The following INSL6 variants were observed in gnomAD, a reference collection of about 807,000 sequenced individuals.
INSL6 encodes the protein insulin-like peptide INSL6.
INSL6 carries 16 observed loss-of-function variants against 9.4 expected under a neutral mutation model. That is an observed-to-expected ratio of 1.70 (90% CI 1.15 to 2.59). The LOEUF (loss-of-function observed/expected upper bound fraction) is 2.59. Among genes scored for constraint, INSL6 ranks in the 30% most tolerant of loss-of-function variants. The pLI, the probability that INSL6 is intolerant of heterozygous loss-of-function variation, is 0.00. For missense variants in INSL6, 391 were observed against 257.3 expected, an observed-to-expected ratio of 1.52 and a Z score of -3.56; for synonymous variants, 154 against 96.9, an observed-to-expected ratio of 1.59 and a Z score of -3.46.
chr9:5,156,222 C>T (rs2130899455), intron 2 of INSL6, among the ~76,000 whole-genome samples: 1 of 152,194 alleles, frequency 6.6e-6, no homozygotes, highest in African/African-American at 2.4e-5. Context: ...GTAATTAAAA[C>T]CTGCAAGCCA....
At chr9:5,126,272 T>G in intron 3 of INSL6, 1 of 1,227,546 alleles carries the variant, frequency 8.1e-7, no homozygotes, top group African/African-American at 1.5e-5. Flanking sequence ...TGGAGGAAAT[T>G]GAGAAAGAAT....
intron 2 of INSL6, among the ~76,000 whole-genome samples, chr9:5,150,881 A>ACACACAC (rs1824699951): frequency 6.7e-6 from 1 of 149,974 alleles, no homozygotes; most frequent in African/African-American, 2.5e-5. Flanking sequence ...ACACACACAC[A>ACACACAC]TCATGGAATA....
At chr9:5,129,054 C>G (rs1173588942) in intron 3 of INSL6, among the ~76,000 whole-genome samples, 2 of 151,908 alleles carry the variant, frequency 1.3e-5, no homozygotes, top group East Asian at 3.8e-4. Flanking sequence ...GAAGAGTGTT[C>G]TTTTAACCTA....
At chr9:5,126,853 T>A (rs1202161032) in intron 3 of INSL6, 1 of 962,962 alleles carries the variant, frequency 1.0e-6, no homozygotes, top group Non-Finnish European at 1.6e-6. Context: ...ATATTTCACA[T>A]TGCTGTGGAC....
the INSL6 span, chr9:5,090,429 C>A: frequency 6.7e-7 from 1 of 1,496,664 alleles, no homozygotes; most frequent in Non-Finnish European, 9.0e-7. Flanking sequence ...ACATTATTTC[C>A]ACCTTTATGT....
chr9:5,057,707 C>CGA, the INSL6 span, among the ~76,000 whole-genome samples: 1 of 151,558 alleles, frequency 6.6e-6, no homozygotes, highest in Admixed American at 6.6e-5. Context: ...CTCAGCCTCC[C>CGA]GATAGCTGGG....
At chr9:5,146,117 G>T (rs1824597643) in intron 2 of INSL6, among the ~76,000 whole-genome samples, 1 of 149,446 alleles carries the variant, frequency 6.7e-6, no homozygotes, top group Non-Finnish European at 1.5e-5. Context: ...TAACCTTTGG[G>T]TTTTTTTTTT....
At chr9:5,127,481 A>G in intron 3 of INSL6, 2 of 231,214 alleles carry the variant, frequency 8.7e-6, no homozygotes, top group Admixed American at 1.1e-4. Flanking sequence ...TAAATAATAC[A>G]TTTTGAAATG....
At chr9:5,050,576 G>T in the INSL6 span, 6 of 1,161,602 alleles carry the variant, frequency 5.2e-6, no homozygotes, top group African/African-American at 7.9e-5. Context: ...TGGCCAATTT[G>T]TATCTTGTAA....
At chr9:5,027,210 C>T in the INSL6 span, among the ~76,000 whole-genome samples, 3 of 152,086 alleles carry the variant, frequency 2.0e-5, no homozygotes, top group Non-Finnish European at 4.4e-5. Flanking sequence ...ACTGACACAC[C>T]TCGGAGATAT....
At chr9:5,080,956 C>T in the INSL6 span, among the ~76,000 whole-genome samples, 5 of 134,044 alleles carry the variant, frequency 3.7e-5, no homozygotes, top group Admixed American at 8.6e-5. Context: ...AGTGCAGTGG[C>T]GCGATCTCGG....
chr9:4,995,225 G>A, the INSL6 span, among the ~76,000 whole-genome samples: 1 of 152,110 alleles, frequency 6.6e-6, no homozygotes, highest in Non-Finnish European at 1.5e-5. Flanking sequence ...TGGATTTGTG[G>A]TCCTTTTACT....
At chr9:5,182,338 A>G (rs968246764) in intron 1 of INSL6, among the ~76,000 whole-genome samples, 7 of 152,154 alleles carry the variant, frequency 4.6e-5, no homozygotes, top group Admixed American at 4.6e-4. Flanking sequence ...TAATTTGCAA[A>G]AACTTATAAA....
chr9:5,176,226 G>C (rs1048664689), intron 1 of INSL6, among the ~76,000 whole-genome samples: 1 of 152,078 alleles, frequency 6.6e-6, no homozygotes. Context: ...ATATCCACTT[G>C]GATAATTCCC....
chr9:5,032,049 T>G, the INSL6 span, among the ~76,000 whole-genome samples: 2 of 152,102 alleles, frequency 1.3e-5, no homozygotes, highest in Non-Finnish European at 2.9e-5. Context: ...GAAAATCGGG[T>G]CACTCCCACT....
the INSL6 span, among the ~76,000 whole-genome samples, chr9:4,993,166 C>G: frequency 6.6e-6 from 1 of 152,184 alleles, no homozygotes; most frequent in South Asian, 2.1e-4. Context: ...ACCCACAAAT[C>G]TCTTTTGAGA....
chr9:5,176,050 T>C (rs887209067), intron 1 of INSL6, among the ~76,000 whole-genome samples: 2 of 152,084 alleles, frequency 1.3e-5, no homozygotes, highest in Admixed American at 6.5e-5. Flanking sequence ...TGGCCTAAAA[T>C]ACCCTATTTT....
the INSL6 span, among the ~76,000 whole-genome samples, chr9:4,997,664 C>T: frequency 6.6e-6 from 1 of 152,290 alleles, no homozygotes; most frequent in East Asian, 1.9e-4. Flanking sequence ...TGCTGTACCC[C>T]TCAGCCTCAT....
chr9:5,023,289 G>C, the INSL6 span, among the ~76,000 whole-genome samples: 2 of 152,216 alleles, frequency 1.3e-5, no homozygotes, highest in Middle Eastern at 3.4e-3. Context: ...TATTTCACTC[G>C]ACATAATGAC....
Sources: gnomAD v4.1 joint callset for allele counts (sites outside exome capture counted in the v4.1 genomes callset) on GRCh38, gnomAD v4.1.1 for gene constraint, MANE v1.5 for transcripts, NCBI Gene and HGNC (gene_info 2026-07-23, HGNC 2026-07-21) for gene names.